Variants in HCN1 observed in about 807,000 individuals in gnomAD.
HCN1 encodes hyperpolarization activated cyclic nucleotide gated potassium channel 1.
Under a neutral mutation model 78.9 loss-of-function variants are expected in HCN1, and 13 were observed. The ratio of observed to expected loss-of-function variants is 0.16; its 90% confidence interval spans 0.11 to 0.26. The LOEUF is 0.26. Among genes scored for constraint, HCN1 ranks in the 10% least tolerant of loss-of-function variants. The pLI is 1.00. For missense variants in HCN1, 810 were observed against 1,154.3 expected (o/e 0.70, Z 4.32); for synonymous variants, 552 against 455.5 (o/e 1.21, Z -2.70).
intron 4 of HCN1, among the ~76,000 whole-genome samples, chr5:45,374,673 A>C (rs1437865461): frequency 6.7e-6 from 1 of 150,284 alleles, no homozygotes; most frequent in Non-Finnish European, 1.5e-5. Context: ...TGATACCAAA[A>C]CCCGGCAGAG....
intron 5 of HCN1, among the ~76,000 whole-genome samples, chr5:45,349,707 A>G (rs1377446005): frequency 6.6e-6 from 1 of 152,214 alleles, no homozygotes; most frequent in African/African-American, 2.4e-5. Context: ...CACCGATCCC[A>G]CAGAAATACA....
chr5:45,646,531 C>G (rs1483989407), intron 1 of HCN1, among the ~76,000 whole-genome samples: 2 of 151,138 alleles, frequency 1.3e-5, no homozygotes, highest in Non-Finnish European at 1.5e-5. Flanking sequence ...GCCACCATGC[C>G]CAGCTAAAAA....
intron 2 of HCN1, among the ~76,000 whole-genome samples, chr5:45,533,728 GA>G (rs1338555846): frequency 6.6e-6 from 1 of 152,076 alleles, no homozygotes; most frequent in African/African-American, 2.4e-5. Flanking sequence ...AAAAATATAG[GA>G]AAAAAAGTGT....
chr5:45,364,766 T>C (rs1457853126), intron 4 of HCN1, among the ~76,000 whole-genome samples: 2 of 152,102 alleles, frequency 1.3e-5, no homozygotes, highest in Non-Finnish European at 2.9e-5. Context: ...TAAAATAATA[T>C]GAGAATTTTG....
intron 5 of HCN1, among the ~76,000 whole-genome samples, chr5:45,310,674 C>T (rs1158926282): frequency 6.6e-6 from 1 of 152,000 alleles, no homozygotes; most frequent in Non-Finnish European, 1.5e-5. Context: ...GGTATAAACC[C>T]AAAGGAATAT....
At chr5:45,408,006 G>GA (rs1157246132) in intron 3 of HCN1, among the ~76,000 whole-genome samples, 2 of 151,654 alleles carry the variant, frequency 1.3e-5, no homozygotes, top group Non-Finnish European at 2.9e-5. Context: ...AAATCAAATA[G>GA]AAAAAAATCA....
At chr5:45,373,601 ATATACGTCATCTATAATATATTACATACG>A (rs1213030984) in intron 4 of HCN1, among the ~76,000 whole-genome samples, 2 of 139,280 alleles carry the variant, frequency 1.4e-5, no homozygotes, top group Non-Finnish European at 1.5e-5. Flanking sequence ...TACATACGGT[ATATACGTCATCTATAATATATTACATACG>A]GTATATACGT....
Position 45,258,820 on chromosome 5 carries a change from T to C in HCN1, c.*3101A>G, listed in dbSNP as rs1744673611. On this transcript the variant is annotated 3_prime_UTR_variant, in exon 8 of 8. Coordinates refer to ENST00000303230, the MANE Select transcript of HCN1 (RefSeq NM_021072.4). ...CTATTATAACAAAATAGGTATGTTA[T>C]AAAACTATTATAACAAAATAGGTAT... 1 of 151,996 alleles carries C rather than the reference T, an allele frequency of 6.6e-6. No homozygotes were observed. Among genetic ancestry groups the C allele is most frequent in the Admixed American group, 6.6e-5 (1 of 15,244 alleles). The allele number at this position is 151,996 out of a possible 1,614,324, so 9.4% of individuals were successfully genotyped here.
At chr5:45,357,076 T>C (rs1747019056) in intron 4 of HCN1, among the ~76,000 whole-genome samples, 1 of 151,948 alleles carries the variant, frequency 6.6e-6, no homozygotes, top group Non-Finnish European at 1.5e-5. Flanking sequence ...AGACATTGAG[T>C]TTTTTCTTCA....
intron 5 of HCN1, among the ~76,000 whole-genome samples, chr5:45,327,055 T>G (rs4866789): frequency 1.3e-5 from 2 of 151,606 alleles, no homozygotes; most frequent in African/African-American, 4.8e-5. Flanking sequence ...ATTAGAGAAT[T>G]TGTATCTCTG....
intron 3 of HCN1, among the ~76,000 whole-genome samples, chr5:45,406,022 T>C (rs1301548891): frequency 6.6e-6 from 1 of 152,156 alleles, no homozygotes; most frequent in African/African-American, 2.4e-5. Flanking sequence ...ACAGATTTTT[T>C]CTTATTTTTT....
At chr5:45,593,552 C>A (rs1165058957) in intron 2 of HCN1, among the ~76,000 whole-genome samples, 2 of 152,010 alleles carry the variant, frequency 1.3e-5, no homozygotes, top group African/African-American at 4.8e-5. Flanking sequence ...CAAGGAACCT[C>A]ATTTAACCTT....
At chr5:45,526,456 G>T (rs1487764504) in intron 2 of HCN1, among the ~76,000 whole-genome samples, 1 of 151,958 alleles carries the variant, frequency 6.6e-6, no homozygotes, top group East Asian at 1.9e-4. Flanking sequence ...AACCTGTCTA[G>T]TGCCTCTTAG....
rs1403348935 is a variant in HCN1 at position 45,616,766 on chromosome 5, CAAATAGGAAAAGA to C, written c.849+28406_849+28418del. On this transcript the variant is annotated intron_variant, in intron 2 of 7. Transcript: ENST00000303230. ...GATTGAAATATATGTGTGATACATC[CAAATAGGAAAAGA>C]AAATAGGAAAAATAGCTCCATTTTT... 2.0e-5 allele frequency among the ~76,000 whole-genome samples: 3 copies of C among 151,728 alleles called. No homozygotes were observed. In the East Asian group the frequency reaches 5.8e-4, roughly 29 times the overall value.
intron 2 of HCN1, among the ~76,000 whole-genome samples, chr5:45,605,837 C>T (rs1218549186): frequency 6.6e-6 from 1 of 151,744 alleles, no homozygotes; most frequent in East Asian, 1.9e-4. Context: ...ATTAACTCAC[C>T]TGTGAAGATT....
intron 2 of HCN1, among the ~76,000 whole-genome samples, chr5:45,616,850 A>G (rs1215912800): frequency 6.6e-6 from 1 of 152,028 alleles, no homozygotes; most frequent in African/African-American, 2.4e-5. Context: ...TACCATAAAC[A>G]TACAACCATG....
chr5:45,370,023 TA>T lies in HCN1; in HGVS notation c.1231-16778del, dbSNP rs371902866. Among the ~76,000 whole-genome samples, 431 of 147,286 alleles carry T rather than the reference TA, an allele frequency of 2.9e-3. 3 individuals carry two copies. The highest frequency in any genetic ancestry group is 7.0e-3 in the Middle Eastern group (2 of 284). ...AATTGTACTTCCACTGGGGTTGAAA[TA>T]AAAAAAAAACCTCTCAGTTAATTTT... On this transcript the variant is annotated intron_variant, in intron 4 of 7. Transcript: ENST00000303230.
intron 2 of HCN1, among the ~76,000 whole-genome samples, chr5:45,499,713 G>A: frequency 6.6e-6 from 1 of 152,138 alleles, no homozygotes; most frequent in Non-Finnish European, 1.5e-5. Context: ...TAGCTTCACT[G>A]TCACACTATA....
At chr5:45,684,037 A>G (rs1739756246) in intron 1 of HCN1, among the ~76,000 whole-genome samples, 1 of 152,082 alleles carries the variant, frequency 6.6e-6, no homozygotes, top group Admixed American at 6.5e-5. Context: ...TCGTCCATAC[A>G]CTGTTTTTAG....
Sources: gnomAD v4.1 joint callset for allele counts (sites outside exome capture counted in the v4.1 genomes callset) on GRCh38, gnomAD v4.1.1 for gene constraint, MANE v1.5 for transcripts, NCBI Gene and HGNC (gene_info 2026-07-23, HGNC 2026-07-21) for gene names.